The following CDC37L1 variants were observed in gnomAD, a reference collection of about 807,000 sequenced individuals.
CDC37L1 encodes cell division cycle 37 like 1, HSP90 cochaperone, also known as hsp90 co-chaperone Cdc37-like 1.
CDC37L1 carries 32 observed loss-of-function variants against 45.9 expected under a neutral mutation model. That is an observed-to-expected ratio of 0.70 (90% CI 0.53 to 0.94). CDC37L1 has a LOEUF of 0.94. Ranked by LOEUF, CDC37L1 falls within the 40% of genes least tolerant of loss-of-function variation. CDC37L1 has a pLI of 0.00. For missense variants in CDC37L1, 434 were observed against 405.7 expected (o/e 1.07, Z -0.60); for synonymous variants, 150 against 133.0 (o/e 1.13, Z -0.88).
rs1260243007 is a variant in CDC37L1 at position 4,679,912 on chromosome 9, C to T, written c.132+13C>T. 1 of 1,613,374 alleles carries T rather than the reference C, an allele frequency of 6.2e-7. No individual in the cohort carries two copies. The highest frequency in any genetic ancestry group is 8.5e-7 in the Non-Finnish European group (1 of 1,179,826). ...CGGCGGCGCCCAGGTGAGAAGGGGC[C>T]TGCGTTCTGCGGAGGGATGGAGTGG... On this transcript the variant is annotated intron_variant, in intron 1 of 6. Transcript: ENST00000381854.
At position 4,706,089 on chromosome 9, in the gene CDC37L1, C is replaced by A; in HGVS notation, c.991C>A (p.Pro331Thr). Reference protein sequence around the residue: ...NSVVHKEDDEPKMMDTV With the variant: ...NSVVHKEDDETKMMDTV Reference sequence around the variant, plus strand: ...GGTGGTACATAAAGAAGATGATGAACCCAAAATGATGGACACTGTATAATT... The same window carrying A: ...GGTGGTACATAAAGAAGATGATGAAACCAAAATGATGGACACTGTATAATT... The change falls in exon 7 of 7, where the codon CCC (proline) becomes ACC (threonine). Residue 331 changes from proline to threonine, a missense_variant. Transcript: ENST00000381854. 2.5e-6 allele frequency: 4 copies of A among 1,589,892 alleles called. No individual in the cohort carries two copies. Among genetic ancestry groups the A allele is most frequent in the Non-Finnish European group, 3.5e-6 (4 of 1,158,260 alleles).
At chr9:4,695,277 T>C (rs1841337501) in intron 3 of CDC37L1, among the ~76,000 whole-genome samples, 1 of 152,170 alleles carries the variant, frequency 6.6e-6, no homozygotes, top group Non-Finnish European at 1.5e-5. Flanking sequence ...CTCCACCATC[T>C]GGGCTCAAGG....
chr9:4,695,410 C>T (rs574912654), intron 3 of CDC37L1, among the ~76,000 whole-genome samples: 1 of 152,262 alleles, frequency 6.6e-6, no homozygotes, highest in South Asian at 2.1e-4. Context: ...CTTCAAATGA[C>T]CTAATCATTA....
At chr9:4,694,420 A>G (rs559225257) in intron 3 of CDC37L1, among the ~76,000 whole-genome samples, 14 of 152,266 alleles carry the variant, frequency 9.2e-5, no homozygotes, top group African/African-American at 2.6e-4. Context: ...TCTTTCCACA[A>G]AGGTCTGTAT....
At chr9:4,694,398 A>G (rs1242510277) in intron 3 of CDC37L1, among the ~76,000 whole-genome samples, 2 of 151,612 alleles carry the variant, frequency 1.3e-5, no homozygotes, top group African/African-American at 4.8e-5. Flanking sequence ...TTTTGTTCAT[A>G]AAATTCCACA....
At position 4,707,032 on chromosome 9, in the gene CDC37L1, G is replaced by A. The variant is rs1451586694; in HGVS notation, c.*920G>A. The A allele has an allele frequency of 7.2e-6, 1 of 138,854 alleles. No homozygotes were observed. The highest frequency in any genetic ancestry group is 1.5e-5 in the Non-Finnish European group (1 of 65,838). The allele number at this position is 138,854 out of a possible 1,614,324, so 8.6% of individuals were successfully genotyped here. A position where few individuals can be genotyped will look rare whatever the true frequency, so the allele number is the denominator to read the frequency against. ...TTTTTTGATGTAGCCTTTTAAAAAAGGAGTCTTAAAAATGATTTTTTTTTT... is the reference window on the plus strand; with the variant it reads ...TTTTTTGATGTAGCCTTTTAAAAAAAGAGTCTTAAAAATGATTTTTTTTTT... On this transcript the variant is annotated 3_prime_UTR_variant, in exon 7 of 7. Transcript: ENST00000381854.
chr9:4,699,223 A>G (rs1841376200), intron 5 of CDC37L1, among the ~76,000 whole-genome samples: 1 of 152,240 alleles, frequency 6.6e-6, no homozygotes, highest in African/African-American at 2.4e-5. Flanking sequence ...ATTGTGGTGT[A>G]GGTTGAGTAT....
chr9:4,699,957 A>G (rs1352794550), intron 5 of CDC37L1, among the ~76,000 whole-genome samples: 1 of 152,130 alleles, frequency 6.6e-6, no homozygotes, highest in East Asian at 1.9e-4. Context: ...CATGTACTAC[A>G]ATGAACATTT....
chr9:4,682,798 C>T (rs1168244757), intron 1 of CDC37L1, among the ~76,000 whole-genome samples: 1 of 151,894 alleles, frequency 6.6e-6, no homozygotes, highest in Non-Finnish European at 1.5e-5. Flanking sequence ...TACAAAAGTT[C>T]TTACATCTTT....
intron 2 of CDC37L1, 92 bp downstream of exon 2, chr9:4,685,250 C>A: frequency 1.0e-6 from 1 of 978,092 alleles, no homozygotes; most frequent in Non-Finnish European, 1.6e-6. Flanking sequence ...GCAGCAGAAT[C>A]CCATAAACAG....
intron 5 of CDC37L1, among the ~76,000 whole-genome samples, chr9:4,700,400 A>T (rs1182988590): frequency 6.6e-6 from 1 of 152,180 alleles, no homozygotes; most frequent in Non-Finnish European, 1.5e-5. Context: ...CTCCTGCCTT[A>T]ACCTTCCAAA....
chr9:4,679,972 C>T (rs1841173267), intron 1 of CDC37L1, 73 bp downstream of exon 1: 1 of 1,570,534 alleles, frequency 6.4e-7, no homozygotes, highest in African/African-American at 1.4e-5. Flanking sequence ...CCGCGTCTCC[C>T]AGACCCTCTT....
At chr9:4,699,426 A>T (rs1055733248) in intron 5 of CDC37L1, among the ~76,000 whole-genome samples, 1 of 152,230 alleles carries the variant, frequency 6.6e-6, no homozygotes, top group Non-Finnish European at 1.5e-5. Context: ...CAGATATTCA[A>T]CCTGTATATT....
At chr9:4,693,558 A>T (rs1270517468) in intron 3 of CDC37L1, among the ~76,000 whole-genome samples, 1 of 152,182 alleles carries the variant, frequency 6.6e-6, no homozygotes, top group African/African-American at 2.4e-5. Flanking sequence ...TTTAGGAATC[A>T]GGTGGCATAT....
chr9:4,697,126 G>C lies in CDC37L1; in HGVS notation c.539G>C (p.Arg180Thr). Reference sequence around the variant, plus strand: ...TTGAGTCGATGGGATGATAGCCAGAGATTTTTGTCTGACCATCCATACCTT... The same window carrying C: ...TTGAGTCGATGGGATGATAGCCAGACATTTTTGTCTGACCATCCATACCTT... ...GMLSRWDDSQ[R>T]FLSDHPYLVC... Residue 180 changes from arginine to threonine, a missense_variant, in exon 4 of 7, where the codon AGA becomes ACA. Coordinates refer to ENST00000381854, the MANE Select transcript of CDC37L1 (RefSeq NM_017913.4). 6.3e-7 allele frequency: 1 copy of C among 1,575,456 alleles called. No individual in the cohort carries two copies. The highest frequency in any genetic ancestry group is 8.7e-7 in the Non-Finnish European group (1 of 1,146,186).
At chr9:4,689,270 A>G (rs1215853140) in intron 3 of CDC37L1, among the ~76,000 whole-genome samples, 1 of 152,036 alleles carries the variant, frequency 6.6e-6, no homozygotes, top group African/African-American at 2.4e-5. Flanking sequence ...AGGCAGCATG[A>G]TACCGCTGGC....
At chr9:4,699,283 C>T (rs958323125) in intron 5 of CDC37L1, among the ~76,000 whole-genome samples, 18 of 152,132 alleles carry the variant, frequency 1.2e-4, no homozygotes, top group African/African-American at 4.1e-4. Context: ...GTTTGAGCAT[C>T]GACATGACAC....
intron 3 of CDC37L1, among the ~76,000 whole-genome samples, chr9:4,692,132 C>T (rs1841306112): frequency 6.6e-6 from 1 of 152,018 alleles, no homozygotes; most frequent in Non-Finnish European, 1.5e-5. Context: ...TTTGTTCTGA[C>T]TATGAATATT....
chr9:4,706,049 C>T lies in CDC37L1; in HGVS notation c.951C>T (p.Leu317=). The change falls in exon 7 of 7, where the codon CTC becomes CTT. Residue 317 remains leucine (L), a synonymous_variant. Transcript: ENST00000381854. The stretch of plus-strand genomic sequence containing the variant: ...TTCAGTATTCTATCAGTACAGCTCT[C>T]TGCAGCTTAAACTCGGTGGTACATA... ...DYLQYSISTA[L]CSLNSVVHKE... 6.2e-7 allele frequency: 1 copy of T among 1,604,370 alleles called. No individual in the cohort carries two copies.
Sources: allele counts gnomAD v4.1 joint callset (sites outside exome capture counted in the v4.1 genomes callset), GRCh38; gene constraint gnomAD v4.1.1; transcripts MANE v1.5; gene names NCBI Gene and HGNC (gene_info 2026-07-23, HGNC 2026-07-21).